PRKACB: variants seen among roughly 807,000 people sequenced by gnomAD.
PRKACB encodes cAMP-dependent protein kinase catalytic subunit beta.
In PRKACB, 16 loss-of-function variants were observed where a neutral mutation model predicts 51.4. The observed-to-expected ratio is 0.31, with a 90% confidence interval of 0.21 to 0.47. The LOEUF is 0.47. Ranked by LOEUF, PRKACB falls within the 20% of genes least tolerant of loss-of-function variation. The pLI, the probability that PRKACB is intolerant of heterozygous loss-of-function variation, is 1.00. For synonymous variants in PRKACB, 147 were observed against 154.4 expected (o/e 0.95, Z 0.35); for missense variants, 309 against 464.5 (o/e 0.67, Z 3.08).
chr1:84,214,412 T>A (rs1028138188), intron 9 of PRKACB, 95 bp downstream of exon 9: 2 of 1,187,250 alleles, frequency 1.7e-6, no homozygotes, highest in South Asian at 1.8e-5. Flanking sequence ...TAGTTTTAAT[T>A]TTTTTACCTT....
In PRKACB at chr1:84,182,274, A is replaced by G. The variant is rs1663753355; in HGVS notation, c.324A>G (p.Val108=). 6.2e-7 allele frequency: 1 copy of G among 1,605,414 alleles called. No homozygotes were observed. The highest frequency in any genetic ancestry group is 8.5e-7 in the Non-Finnish European group (1 of 1,175,170). The change falls in exon 3 of 10, where the codon GTA becomes GTG. Residue 108 remains valine, a synonymous_variant. Transcript: ENST00000370685. ...GTTCATTTGGAAGAGTCATGTTGGT[A>G]AAACACAAAGCCACTGAACAGTATT... ...GTGSFGRVML[V]KHKATEQYYA...
At chr1:84,214,072 G>GA (rs796198461) in intron 8 of PRKACB, 81 bp from the exon 9 acceptor site, 3,113 of 1,337,906 alleles carry the variant, frequency 2.3e-3, no homozygotes, top group South Asian at 4.7e-3. Flanking sequence ...TTGTTGCCTT[G>GA]AAAAAAAAAC....
Position 84,236,636 on chromosome 1 carries a change from T to C in PRKACB, c.*1331T>C, listed in dbSNP as rs1676685645. On this transcript the variant is annotated 3_prime_UTR_variant, in exon 10 of 10. Coordinates refer to ENST00000370685, the MANE Select transcript of PRKACB (RefSeq NM_182948.4). The stretch of plus-strand genomic sequence containing the variant: ...AGATACAATGTTGGTATTTGAGAGG[T>C]TAGTTTTTTTCCTACACTTTTTTTT... The C allele has an allele frequency of 6.6e-6, 1 of 152,612 alleles. No individual in the cohort carries two copies. Among genetic ancestry groups the C allele is most frequent in the African/African-American group, 2.4e-5 (1 of 41,450 alleles). The allele number at this position is 152,612 out of a possible 1,614,324, so 9.5% of individuals were successfully genotyped here.
intron 5 of PRKACB, among the ~76,000 whole-genome samples, chr1:84,194,733 C>G (rs1435061512): frequency 3.3e-5 from 5 of 151,972 alleles, no homozygotes; most frequent in Admixed American, 3.3e-4. Context: ...CAAAACCAGC[C>G]TGGGCAACAT....
chr1:84,221,020 A>T (rs548366571), intron 9 of PRKACB, among the ~76,000 whole-genome samples: 2 of 152,118 alleles, frequency 1.3e-5, no homozygotes, highest in Non-Finnish European at 2.9e-5. Context: ...AATTGATGCT[A>T]GTTCTTCTTT....
intron 9 of PRKACB, among the ~76,000 whole-genome samples, chr1:84,219,367 G>A (rs372209960): frequency 1.3e-3 from 200 of 151,824 alleles, no homozygotes; most frequent in African/African-American, 4.6e-3. Flanking sequence ...TGGGATTACA[G>A]GTGCCCACAA....
At chr1:84,153,021 A>G (rs1655024195) in intron 1 of PRKACB, among the ~76,000 whole-genome samples, 1 of 152,082 alleles carries the variant, frequency 6.6e-6, no homozygotes, top group East Asian at 1.9e-4. Flanking sequence ...TCGTCTGAAC[A>G]CTAAGAGGCC....
intron 8 of PRKACB, chr1:84,205,143 A>G: frequency 1.0e-6 from 1 of 981,422 alleles, no homozygotes; most frequent in Non-Finnish European, 1.2e-6. Flanking sequence ...ATCTCTCCCC[A>G]TGTGGGATAT....
At chr1:84,179,996 C>A (rs1662689400) in intron 2 of PRKACB, among the ~76,000 whole-genome samples, 2 of 144,892 alleles carry the variant, frequency 1.4e-5, no homozygotes, top group Admixed American at 1.4e-4. Context: ...CTCCCTGTGT[C>A]CATGTGTTCT....
At chr1:84,086,403 G>A (rs141267408) in intron 1 of PRKACB, among the ~76,000 whole-genome samples, 15 of 152,230 alleles carry the variant, frequency 9.9e-5, no homozygotes, top group Non-Finnish European at 1.6e-4. Context: ...CTGCTGATCC[G>A]GGGACTGCCT....
intron 1 of PRKACB, among the ~76,000 whole-genome samples, chr1:84,084,094 CTGGGA>C (rs2100746214): frequency 6.6e-6 from 1 of 152,244 alleles, no homozygotes; most frequent in African/African-American, 2.4e-5. Context: ...GTCATTTCCA[CTGGGA>C]TGGGGAGGAA....
exon 1 of PRKACB, chr1:84,078,302 C>A: frequency 1.2e-6 from 2 of 1,604,440 alleles, no homozygotes; most frequent in Non-Finnish European, 1.7e-6. Flanking sequence ...CCTTCCCTGA[C>A]CCCTTCTTGC....
intron 1 of PRKACB, among the ~76,000 whole-genome samples, chr1:84,171,819 C>A (rs1306879980): frequency 6.6e-6 from 1 of 151,400 alleles, no homozygotes; most frequent in African/African-American, 2.4e-5. Flanking sequence ...CAGAATCTGG[C>A]AAGATTGCCA....
chr1:84,199,367 T>A (rs1669387153), intron 7 of PRKACB, among the ~76,000 whole-genome samples: 2 of 152,080 alleles, frequency 1.3e-5, no homozygotes, highest in Non-Finnish European at 2.9e-5. Context: ...TAAATTCTCA[T>A]CATTTAGCTC....
chr1:84,097,958 G>A (rs551601546), intron 1 of PRKACB, among the ~76,000 whole-genome samples: 2 of 151,902 alleles, frequency 1.3e-5, no homozygotes, highest in African/African-American at 2.4e-5. Context: ...TCACAAACAC[G>A]CCCAGAAATA....
intron 1 of PRKACB, among the ~76,000 whole-genome samples, chr1:84,136,187 G>A (rs1485756553): frequency 2.7e-5 from 4 of 149,978 alleles, no homozygotes; most frequent in Non-Finnish European, 4.4e-5. Flanking sequence ...TTACACAAGT[G>A]TAAATAAATC....
intron 1 of PRKACB, among the ~76,000 whole-genome samples, chr1:84,170,911 A>G (rs1021347040): frequency 3.3e-5 from 5 of 151,800 alleles, no homozygotes; most frequent in African/African-American, 1.2e-4. Context: ...TGAAGAATAC[A>G]TAGGAATATG....
intron 1 of PRKACB, among the ~76,000 whole-genome samples, chr1:84,083,276 A>C (rs1647691085): frequency 6.6e-6 from 1 of 152,226 alleles, no homozygotes; most frequent in Admixed American, 6.5e-5. Context: ...CAAAGCAATC[A>C]GTTATGCAAT....
intron 9 of PRKACB, among the ~76,000 whole-genome samples, chr1:84,217,723 G>T (rs945487320): frequency 6.6e-6 from 1 of 152,124 alleles, no homozygotes; most frequent in East Asian, 1.9e-4. Flanking sequence ...AGCCCAAGAG[G>T]TCAAGGCTGC....
Sources: gnomAD v4.1 joint callset for allele counts (sites outside exome capture counted in the v4.1 genomes callset) on GRCh38, gnomAD v4.1.1 for gene constraint, MANE v1.5 for transcripts, NCBI Gene and HGNC (gene_info 2026-07-23, HGNC 2026-07-21) for gene names.